RGMA: variants seen among roughly 807,000 people sequenced by gnomAD.
RGMA encodes the protein repulsive guidance molecule A.
Under a neutral mutation model 23.2 loss-of-function variants are expected in RGMA, and 10 were observed. The observed-to-expected ratio is 0.43, with a 90% CI of 0.27 to 0.73. The LOEUF is 0.73. Ranked by LOEUF, RGMA falls within the 30% of genes least tolerant of loss-of-function variation. The pLI, the probability that RGMA is intolerant of heterozygous loss-of-function variation, is 0.20. For missense variants in RGMA, 547 were observed against 630.5 expected (o/e 0.87, Z 1.42); for synonymous variants, 308 against 279.3 (o/e 1.10, Z -1.03).
At chr15:93,055,610 C>G (rs2055000713) in intron 2 of RGMA, among the ~76,000 whole-genome samples, 1 of 152,228 alleles carries the variant, frequency 6.6e-6, no homozygotes, top group African/African-American at 2.4e-5. Context: ...CATTAGCACA[C>G]CCGATTCCCT....
At chr15:93,088,668 A>C in intron 1 of RGMA, 1 of 930,154 alleles carries the variant, frequency 1.1e-6, no homozygotes. Context: ...GGTCTGCCCA[A>C]CCACGCGCGC....
intron 2 of RGMA, among the ~76,000 whole-genome samples, chr15:93,058,486 G>A (rs2055049351): frequency 6.6e-6 from 1 of 152,256 alleles, no homozygotes; most frequent in Non-Finnish European, 1.5e-5. Context: ...TGTTAACTTT[G>A]TTTTGTTTAA....
chr15:93,088,408 C>T (rs1315905198), intron 1 of RGMA: 1 of 985,722 alleles, frequency 1.0e-6, no homozygotes, highest in Non-Finnish European at 1.2e-6. Context: ...CCTTCCCGTA[C>T]GCCGGCGCGC....
In RGMA at chr15:93,045,736, T is replaced by A; in HGVS notation, c.646-31A>T. 1 of 1,511,270 alleles carries A rather than the reference T, an allele frequency of 6.6e-7. No individual in the cohort carries two copies. Among genetic ancestry groups the A allele is most frequent in the Non-Finnish European group, 9.1e-7 (1 of 1,101,046 alleles). 93.6% of individuals were successfully genotyped at this position (1,511,270 alleles called of 1,614,324 possible). A position where few individuals can be genotyped will look rare whatever the true frequency, so the allele number is the denominator to read the frequency against. On this transcript the variant is annotated intron_variant, in intron 3 of 3. Coordinates refer to ENST00000329082, the MANE Select transcript of RGMA (RefSeq NM_020211.3). This position sits in a 1 kb window ranked among gnomAD's most constrained non-coding sequence, Gnocchi z 6.9. ...GGGGAAAGGGGCAGAGGAGAGTGGG[T>A]GAGGCACAGTGGGAGGAGGCACAGC...
chr15:93,045,193 G>T lies in RGMA; in HGVS notation c.1158C>A (p.Gly386=), dbSNP rs201262127. ...AGGCGGCCAGTGTGAAGTTCACGTC[G>T]CCCGTGGTGAGGAGGTCGAAGACGC... ...QACVFDLLTT[G]DVNFTLAAYY... Residue 386 remains glycine, a synonymous_variant, in exon 4 of 4, where the codon GGC becomes GGA. Transcript: ENST00000329082. This position sits in a 1 kb window ranked among gnomAD's most constrained non-coding sequence, Gnocchi z 6.9. 1.9e-6 allele frequency: 3 copies of T among 1,609,954 alleles called. No homozygotes were observed. In the East Asian group the frequency reaches 6.7e-5, roughly 36 times the overall value.
At position 93,063,441 on chromosome 15, in the gene RGMA, T is replaced by C. The variant is rs552328547; in HGVS notation, c.130+9475A>G. Among the ~76,000 whole-genome samples the C allele has an allele frequency of 8.5e-5, 13 of 152,352 alleles. No homozygotes were observed. In the South Asian group the frequency reaches 2.5e-3, roughly 29 times the overall value. On this transcript the variant is annotated intron_variant, in intron 2 of 3. Transcript: ENST00000329082. ...GACAGGAACAGACGCACCACCCATATGTGGCAAACTCTGGCCAGAGCAGTA... is the reference window on the plus strand; with the variant it reads ...GACAGGAACAGACGCACCACCCATACGTGGCAAACTCTGGCCAGAGCAGTA...
At chr15:93,070,691 T>A (rs1415806712) in intron 2 of RGMA, among the ~76,000 whole-genome samples, 1 of 152,188 alleles carries the variant, frequency 6.6e-6, no homozygotes, top group Non-Finnish European at 1.5e-5. Flanking sequence ...TTCAGTCAGG[T>A]GGGCAATTTT....
At position 93,039,715 on chromosome 15, in the gene RGMA, G is replaced by C. The variant is rs953465763; in HGVS notation, c.*5283C>G. On this transcript the variant is annotated 3_prime_UTR_variant, in exon 4 of 4. Transcript: ENST00000329082. The stretch of plus-strand genomic sequence containing the variant: ...CCAGCTTCATCCATGTCCCTGCAAA[G>C]GACATGAACTCATCCCTTTTTATGG... The C allele has an allele frequency of 6.6e-6, 1 of 152,216 alleles. No homozygotes were observed. Among genetic ancestry groups the C allele is most frequent in the Non-Finnish European group, 1.5e-5 (1 of 68,072 alleles). The allele number at this position is 152,216 out of a possible 1,614,324, so 9.4% of individuals were successfully genotyped here. A position where few individuals can be genotyped will look rare whatever the true frequency, so the allele number is the denominator to read the frequency against.
At chr15:93,064,827 T>C (rs1895087763) in intron 2 of RGMA, among the ~76,000 whole-genome samples, 1 of 152,218 alleles carries the variant, frequency 6.6e-6, no homozygotes, top group Non-Finnish European at 1.5e-5. Context: ...TGCTATGCCA[T>C]GGTGAGCAAG....
At chr15:93,084,919 T>C (rs1376915275) in intron 1 of RGMA, among the ~76,000 whole-genome samples, 1 of 152,136 alleles carries the variant, frequency 6.6e-6, no homozygotes, top group Non-Finnish European at 1.5e-5. Context: ...GTGAGGGATG[T>C]GTAGGGGCCT....
chr15:93,051,687 G>A (rs549796231), intron 3 of RGMA, among the ~76,000 whole-genome samples: 6 of 152,346 alleles, frequency 3.9e-5, no homozygotes, highest in African/African-American at 1.4e-4. Flanking sequence ...CGGGCCTGGG[G>A]CAAATTCTAG....
chr15:93,082,613 C>G (rs1230286876), intron 1 of RGMA, among the ~76,000 whole-genome samples: 1 of 152,134 alleles, frequency 6.6e-6, no homozygotes, highest in African/African-American at 2.4e-5. Context: ...TGTAGAATGA[C>G]GGCTCATGCA....
rs769839096 is a variant in RGMA, at chr15:93,045,610, A to T, written c.741T>A (p.Ser247=). 3 of 1,613,278 alleles carry T rather than the reference A, an allele frequency of 1.9e-6. No homozygotes were observed. In the South Asian group the frequency reaches 3.3e-5, roughly 18 times the overall value. Residue 247 remains serine, a synonymous_variant, in exon 4 of 4, where the codon TCT becomes TCA. Transcript: ENST00000329082. The surrounding 1 kb of genome is among the most constrained non-coding windows in gnomAD (Gnocchi z 6.9). Reference sequence around the variant, plus strand: ...CCCCGTGCTTGTCCCCACCGTTCTTAGAGCCATCCACGAAGGCGGCCGGGA... The same window carrying T: ...CCCCGTGCTTGTCCCCACCGTTCTTTGAGCCATCCACGAAGGCGGCCGGGA... The part of the protein sequence containing the change: ...DELPAAFVDG[S]KNGGDKHGAN...
chr15:93,048,014 G>C (rs925704171), intron 3 of RGMA, among the ~76,000 whole-genome samples: 1 of 152,326 alleles, frequency 6.6e-6, no homozygotes, highest in African/African-American at 2.4e-5. Flanking sequence ...CGGAGGCCAG[G>C]GGTGCAGCAG....
In RGMA at chr15:93,089,194, G is replaced by T; in HGVS notation, c.-262C>A. The T allele has an allele frequency of 3.7e-6, 1 of 269,192 alleles. No individual in the cohort carries two copies. Among genetic ancestry groups the T allele is most frequent in the Non-Finnish European group, 6.9e-6 (1 of 144,560 alleles). 16.7% of individuals were successfully genotyped at this position (269,192 alleles called of 1,614,324 possible). On this transcript the variant is annotated 5_prime_UTR_variant, in exon 1 of 4. Transcript: ENST00000329082. The stretch of plus-strand genomic sequence containing the variant: ...GGCTCGGGCGGCGCAGCCAGCGCTC[G>T]GGAGACAACTGCAGAGTGGGGCGGC...
chr15:93,072,755 C>G (rs993630793), intron 2 of RGMA, among the ~76,000 whole-genome samples, 161 bp downstream of exon 2: 1 of 152,148 alleles, frequency 6.6e-6, no homozygotes, highest in Non-Finnish European at 1.5e-5. Flanking sequence ...GCATCGCACC[C>G]ACGACGGGGT....
chr15:93,050,813 G>A (rs1258558821), intron 3 of RGMA, among the ~76,000 whole-genome samples: 1 of 152,150 alleles, frequency 6.6e-6, no homozygotes, highest in African/African-American at 2.4e-5. Flanking sequence ...TGCAGGATGG[G>A]ACAGGGAGGC....
chr15:93,045,595 G>C lies in RGMA; in HGVS notation c.756C>G (p.Asp252Glu). The C allele has an allele frequency of 6.2e-7, 1 of 1,613,288 alleles. No individual in the cohort carries two copies. The highest frequency in any genetic ancestry group is 1.1e-5 in the South Asian group (1 of 91,084). ...TCTTCAGGCTGTTGGCCCCGTGCTT[G>C]TCCCCACCGTTCTTAGAGCCATCCA... ...AFVDGSKNGG[D>E]KHGANSLKIT... The change falls in exon 4 of 4, where the codon GAC becomes GAG. Residue 252 changes from aspartate (D) to glutamate (E), a missense_variant. Coordinates refer to ENST00000329082, the MANE Select transcript of RGMA (RefSeq NM_020211.3). This position sits in a 1 kb window ranked among gnomAD's most constrained non-coding sequence, Gnocchi z 6.9.
chr15:93,086,142 A>G (rs1449070856), intron 1 of RGMA, among the ~76,000 whole-genome samples: 1 of 152,210 alleles, frequency 6.6e-6, no homozygotes, highest in Non-Finnish European at 1.5e-5. Context: ...AGTTTGTGGA[A>G]TGGCTACATA....
Sources: gnomAD v4.1 joint callset for allele counts (sites outside exome capture counted in the v4.1 genomes callset) on GRCh38, gnomAD v4.1.1 for gene constraint, Gnocchi (gnomAD v3.1) non-coding constraint, MANE v1.5 for transcripts, NCBI Gene and HGNC (gene_info 2026-07-23, HGNC 2026-07-21) for gene names.